The following GRIN2B variants were observed in gnomAD, a reference collection of about 807,000 sequenced individuals.
GRIN2B encodes the protein glutamate ionotropic receptor NMDA type subunit 2B.
In GRIN2B, 5 loss-of-function variants were observed where a neutral mutation model predicts 114.5. The observed-to-expected ratio is 0.04, with a 90% CI of 0.02 to 0.09. The LOEUF is 0.09. Ranked by LOEUF, GRIN2B falls within the 10% of genes least tolerant of loss-of-function variation. The pLI, the probability that GRIN2B is intolerant of heterozygous loss-of-function variation, is 1.00. For synonymous variants in GRIN2B, 787 were observed against 745.1 expected (o/e 1.06, Z -0.92); for missense variants, 1,108 against 1,943.5 (o/e 0.57, Z 8.08).
chr12:13,911,482 G>C (rs959738591), intron 2 of GRIN2B, among the ~76,000 whole-genome samples: 4 of 152,198 alleles, frequency 2.6e-5, no homozygotes, highest in Admixed American at 2.6e-4. Flanking sequence ...AGCCTCTGCA[G>C]TTTGTGTCAA....
At chr12:13,765,889 C>T (rs1223267558) in intron 3 of GRIN2B, among the ~76,000 whole-genome samples, 1 of 152,144 alleles carries the variant, frequency 6.6e-6, no homozygotes, top group Non-Finnish European at 1.5e-5. Context: ...TTATTCATCT[C>T]TGTAGCTCTC....
intron 3 of GRIN2B, among the ~76,000 whole-genome samples, chr12:13,801,469 C>G (rs220567): frequency 0.64 from 97,053 of 151,978 alleles, 31,218 homozygotes; most frequent in East Asian, 0.75. Flanking sequence ...TACAACACCA[C>G]AGGCCCAGAA....
intron 3 of GRIN2B, among the ~76,000 whole-genome samples, chr12:13,794,207 C>CAAAAAAAAAAAAAAAAAAAAA (rs3082833): frequency 1.9e-5 from 2 of 103,016 alleles, no homozygotes; most frequent in Non-Finnish European, 3.8e-5. Flanking sequence ...GACTCTGTCT[C>CAAAAAAAAAAAAAAAAAAAAA]AAAAAAAAAA....
intron 4 of GRIN2B, among the ~76,000 whole-genome samples, chr12:13,715,007 TA>T (rs1212712788): frequency 1.3e-5 from 2 of 152,050 alleles, no homozygotes; most frequent in Admixed American, 6.6e-5. Context: ...ATCTTTTCAG[TA>T]AAAGATTGCT....
chr12:13,967,906 T>C (rs1490316476), intron 2 of GRIN2B, among the ~76,000 whole-genome samples: 1 of 152,168 alleles, frequency 6.6e-6, no homozygotes, highest in South Asian at 2.1e-4. Flanking sequence ...TTTCACAGTA[T>C]CCCTTGCCCC....
chr12:13,792,507 C>A (rs1275246289), intron 3 of GRIN2B, among the ~76,000 whole-genome samples: 2 of 152,206 alleles, frequency 1.3e-5, no homozygotes, highest in Non-Finnish European at 2.9e-5. Context: ...TGTGACATGA[C>A]CATCCAGCTT....
intron 3 of GRIN2B, among the ~76,000 whole-genome samples, chr12:13,803,976 T>G (rs1864558890): frequency 6.6e-6 from 1 of 152,194 alleles, no homozygotes; most frequent in Non-Finnish European, 1.5e-5. Context: ...GATATTGTTC[T>G]CAATATGAAT....
intron 4 of GRIN2B, among the ~76,000 whole-genome samples, chr12:13,740,829 A>G (rs1008701271): frequency 5.3e-5 from 8 of 152,134 alleles, no homozygotes; most frequent in African/African-American, 1.7e-4. Context: ...CCTCCTTCCC[A>G]TTAGGAAAAG....
chr12:13,845,301 A>G (rs757914177), intron 3 of GRIN2B, among the ~76,000 whole-genome samples: 1 of 152,216 alleles, frequency 6.6e-6, no homozygotes, highest in Non-Finnish European at 1.5e-5. Flanking sequence ...TGTCATTAAT[A>G]TTAACTTTTA....
At position 13,614,972 on chromosome 12, in the gene GRIN2B, C is replaced by A. The variant is rs1949416873; in HGVS notation, c.1654+142G>T. 4 of 779,376 alleles carry A rather than the reference C, an allele frequency of 5.1e-6. No homozygotes were observed. In the East Asian group the frequency reaches 9.9e-5, roughly 19 times the overall value. 48.3% of individuals were successfully genotyped at this position (779,376 alleles called of 1,614,324 possible). ...TTTGAGAGTAATTGATTTTGAAGTC[C>A]CCTAAGTGAAGTCCCTGGCTGAGTT... On this transcript the variant is annotated intron_variant, in intron 8 of 13. Transcript: ENST00000609686.
chr12:13,970,674 A>C (rs1862894974), intron 2 of GRIN2B, among the ~76,000 whole-genome samples: 1 of 135,198 alleles, frequency 7.4e-6, no homozygotes, highest in African/African-American at 2.9e-5. Flanking sequence ...TCTCTTCTAC[A>C]TGCAGGCTCT....
chr12:13,673,696 A>T (rs772529722), intron 5 of GRIN2B, among the ~76,000 whole-genome samples: 34 of 152,094 alleles, frequency 2.2e-4, no homozygotes, highest in Non-Finnish European at 3.5e-4. Flanking sequence ...GGGGTAGGGG[A>T]TGCAGGCCTC....
At chr12:13,951,479 G>A (rs988189861) in intron 2 of GRIN2B, among the ~76,000 whole-genome samples, 8 of 152,178 alleles carry the variant, frequency 5.3e-5, no homozygotes, top group African/African-American at 1.9e-4. Flanking sequence ...AAATTAGCTT[G>A]TCTTGTTAAC....
chr12:13,723,953 T>C (rs1395952735), intron 4 of GRIN2B, among the ~76,000 whole-genome samples: 3 of 152,130 alleles, frequency 2.0e-5, no homozygotes, highest in Non-Finnish European at 2.9e-5. Context: ...AATTCCTCCT[T>C]TGTGGAAATT....
intron 5 of GRIN2B, among the ~76,000 whole-genome samples, chr12:13,648,020 AT>A (rs1591657753): frequency 6.6e-6 from 1 of 152,064 alleles, no homozygotes; most frequent in Non-Finnish European, 1.5e-5. Flanking sequence ...CTGAAAATTC[AT>A]TGGTGAGGCT....
rs1018480101 is a variant in GRIN2B at position 13,915,387 on chromosome 12, A to C, written c.-18-49161T>G. Reference sequence around the variant, plus strand: ...TAGTTGTACCCATGGGCATCACCCAACCCCTGGCCACAGGCAGGCCAAAAC... The same window carrying C: ...TAGTTGTACCCATGGGCATCACCCACCCCCTGGCCACAGGCAGGCCAAAAC... On this transcript the variant is annotated intron_variant, in intron 2 of 13. Coordinates refer to ENST00000609686, the MANE Select transcript of GRIN2B (RefSeq NM_000834.5). Among the ~76,000 whole-genome samples the C allele has an allele frequency of 2.6e-5, 4 of 152,108 alleles. No individual in the cohort carries two copies. In the South Asian group the frequency reaches 6.2e-4, roughly 24 times the overall value.
Position 13,543,383 on chromosome 12 carries a change from T to A in GRIN2B, c.*19400A>T, listed in dbSNP as rs1948306224. 1 of 152,260 alleles carries A rather than the reference T, an allele frequency of 6.6e-6. No homozygotes were observed. 9.4% of individuals were successfully genotyped at this position (152,260 alleles called of 1,614,324 possible). On this transcript the variant is annotated 3_prime_UTR_variant, in exon 14 of 14. Coordinates refer to ENST00000609686, the MANE Select transcript of GRIN2B (RefSeq NM_000834.5). ...CCTCTGCCTCTAATATGCTTCATTG[T>A]TCCTCCTTCCCTAAAAATCCTCACT... is the stretch of plus-strand genomic sequence containing the variant.
intron 4 of GRIN2B, among the ~76,000 whole-genome samples, chr12:13,679,535 C>A (rs1191479466): frequency 2.0e-5 from 3 of 152,166 alleles, no homozygotes; most frequent in Non-Finnish European, 4.4e-5. Context: ...ACATATTTTA[C>A]ACTTATCAAA....
chr12:13,572,950 T>C (rs1371275050), intron 10 of GRIN2B, among the ~76,000 whole-genome samples: 1 of 152,244 alleles, frequency 6.6e-6, no homozygotes, highest in African/African-American at 2.4e-5. Context: ...ACTCTCTAAA[T>C]GTGCTAGCTC....
Sources: allele counts gnomAD v4.1 joint callset (sites outside exome capture counted in the v4.1 genomes callset), GRCh38; gene constraint gnomAD v4.1.1; transcripts MANE v1.5; gene names NCBI Gene and HGNC (gene_info 2026-07-23, HGNC 2026-07-21).